The following LSM7 variants were observed in gnomAD, a reference collection of about 807,000 sequenced individuals.
LSM7 encodes LSM7 homolog, U6 small nuclear RNA and mRNA degradation associated, also known as U6 snRNA-associated Sm-like protein LSm7.
A neutral mutation model predicts 14.1 loss-of-function variants in LSM7; 13 were observed. The observed-to-expected ratio is 0.92, with a 90% confidence interval of 0.60 to 1.47. The LOEUF (loss-of-function observed/expected upper bound fraction) is 1.47, where lower values mean the gene tolerates loss of function less well. LSM7 is among the 40% of genes most tolerant of loss of function. The pLI is 0.00. For synonymous variants in LSM7, 70 were observed against 57.1 expected (o/e 1.23, Z -1.02); for missense variants, 108 against 140.8 (o/e 0.77, Z 1.18).
chr19:2,328,546 C>A lies in LSM7; in HGVS notation c.6+15G>T. On this transcript the variant is annotated intron_variant, in intron 1 of 3. Transcript: ENST00000252622. ...GCTCCACGCCCCCCGGCTCCAGATT[C>A]CGCCGCGCGCTCACCGCCATCTTGT... The A allele has an allele frequency of 1.3e-6, 2 of 1,598,726 alleles. No homozygotes were observed. Among genetic ancestry groups the A allele is most frequent in the South Asian group, 1.1e-5 (1 of 89,564 alleles).
chr19:2,324,252 C>T (rs1179125683), intron 2 of LSM7, 56 bp from the exon 3 acceptor site: 1 of 1,382,552 alleles, frequency 7.2e-7, no homozygotes, highest in Non-Finnish European at 1.0e-6. Context: ...GTCCTGGGCG[C>T]AGGGCCCGCC....
In LSM7 at chr19:2,321,759, C is replaced by G. The variant is rs372453665; in HGVS notation, c.233G>C (p.Gly78Ala). 6 of 1,560,532 alleles carry G rather than the reference C, an allele frequency of 3.8e-6. No homozygotes were observed. Among genetic ancestry groups the G allele is most frequent in the Non-Finnish European group, 5.2e-6 (6 of 1,153,470 alleles). ...CGGGCAGATTAGCACCACGGACGTG[C>G]CCCGGCACACCACGAGGCCCAGCTG... Reference protein sequence around the residue: ...TRQLGLVVCRGTSVVLICPQD... With the variant: ...TRQLGLVVCRATSVVLICPQD... The change falls in exon 4 of 4, where the codon GGC (glycine) becomes GCC (alanine). Residue 78 changes from glycine to alanine, a missense_variant. By Grantham distance (60) the Gly-to-Ala change is moderately conservative. Coordinates refer to ENST00000252622, the MANE Select transcript of LSM7 (RefSeq NM_016199.3). The surrounding 1 kb of genome is among the most constrained non-coding windows in gnomAD (Gnocchi z 5.0).
At position 2,328,579 on chromosome 19, in the gene LSM7, T is replaced by G; in HGVS notation, c.-13A>C. On this transcript the variant is annotated 5_prime_UTR_variant, in exon 1 of 4. Coordinates refer to ENST00000252622, the MANE Select transcript of LSM7 (RefSeq NM_016199.3). ...CGCTCACCGCCATCTTGTCGCGCCG[T>G]GTGGCTCTTCGCAGGCACCGCCCCG... The G allele has an allele frequency of 6.3e-7, 1 of 1,576,240 alleles. No homozygotes were observed. The highest frequency in any genetic ancestry group is 8.6e-7 in the Non-Finnish European group (1 of 1,163,556).
At chr19:2,322,261 CG>C (rs1328925383) in intron 3 of LSM7, among the ~76,000 whole-genome samples, 1 of 152,186 alleles carries the variant, frequency 6.6e-6, no homozygotes, top group African/African-American at 2.4e-5. Flanking sequence ...GGCTGGGGGC[CG>C]GGCGCGGTGG....
intron 2 of LSM7, among the ~76,000 whole-genome samples, chr19:2,325,464 C>T (rs551548497): frequency 9.8e-5 from 15 of 152,310 alleles, no homozygotes; most frequent in African/African-American, 3.4e-4. Context: ...ACCCACAGCC[C>T]TTACGGTGCT....
chr19:2,322,265 C>T (rs913319874), intron 3 of LSM7, among the ~76,000 whole-genome samples: 24 of 152,316 alleles, frequency 1.6e-4, no homozygotes, highest in Non-Finnish European at 2.6e-4. Context: ...GGGGGCCGGG[C>T]GCGGTGGCTC....
At chr19:2,323,995 T>G in intron 3 of LSM7, 130 bp downstream of exon 3, 1 of 805,336 alleles carries the variant, frequency 1.2e-6, no homozygotes, top group Non-Finnish European at 2.0e-6. Flanking sequence ...TTTGTGGGTT[T>G]GAGAGAAGAA....
chr19:2,328,315 C>T, intron 2 of LSM7, 72 bp downstream of exon 2: 2 of 1,273,496 alleles, frequency 1.6e-6, no homozygotes, highest in South Asian at 1.3e-5. Context: ...CCGCATGCGT[C>T]CTCATCATCT....
chr19:2,327,074 C>T (rs1297450988), intron 2 of LSM7, among the ~76,000 whole-genome samples: 1 of 152,172 alleles, frequency 6.6e-6, no homozygotes, highest in Non-Finnish European at 1.5e-5. Flanking sequence ...CTGTGGTACC[C>T]TGGCTCCTGA....
In LSM7 at chr19:2,324,127, C is replaced by G; in HGVS notation, c.167G>C (p.Arg56Pro). 1 of 1,565,558 alleles carries G rather than the reference C, an allele frequency of 6.4e-7. No homozygotes were observed. Among genetic ancestry groups the G allele is most frequent in the South Asian group, 1.2e-5 (1 of 85,098 alleles). The change falls in exon 3 of 4, where the codon CGA becomes CCA. Residue 56 changes from arginine (R) to proline (P), a missense_variant and splice_region_variant. Physicochemically the swap from Arg to Pro is moderately radical, Grantham distance 103 (BLOSUM62 -2). Transcript: ENST00000252622. The stretch of plus-strand genomic sequence containing the variant: ...GCCTCGGCCGCCACCCCACTCACCT[C>G]GCATGTACTCAATGGTGCCGTCCAG... Reference protein sequence around the residue: ...LVLDGTIEYMRDPDDQYKLTE... With the variant: ...LVLDGTIEYMPDPDDQYKLTE...
At chr19:2,322,896 T>C (rs1347993095) in intron 3 of LSM7, among the ~76,000 whole-genome samples, 3 of 151,816 alleles carry the variant, frequency 2.0e-5, no homozygotes, top group African/African-American at 7.3e-5. Flanking sequence ...TTTTTTTTTT[T>C]TTGTAGAGAC....
At chr19:2,324,087 CT>C (rs1172720508) in intron 3 of LSM7, 37 bp downstream of exon 3, 1 of 1,501,374 alleles carries the variant, frequency 6.7e-7, no homozygotes, top group Non-Finnish European at 9.0e-7. Flanking sequence ...CACTATCCCC[CT>C]CGTCCCGCTG....
rs1967936502 is a variant in LSM7 at position 2,321,733 on chromosome 19, G to C, written c.259C>G (p.Gln87Glu). 6.4e-7 allele frequency: 1 copy of C among 1,570,430 alleles called. No individual in the cohort carries two copies. The highest frequency in any genetic ancestry group is 8.6e-7 in the Non-Finnish European group (1 of 1,159,788). Reference sequence around the variant, plus strand: ...TTGGGGATGGCCTCCATGCCGTCCTGCGGGCAGATTAGCACCACGGACGTG... The same window carrying C: ...TTGGGGATGGCCTCCATGCCGTCCTCCGGGCAGATTAGCACCACGGACGTG... ...RGTSVVLICP[Q>E]DGMEAIPNPF... Residue 87 changes from glutamine (Q) to glutamate (E), a missense_variant, in exon 4 of 4, where the codon CAG (glutamine) becomes GAG (glutamate). By Grantham distance (29) the Gln-to-Glu change is conservative. Coordinates refer to ENST00000252622, the MANE Select transcript of LSM7 (RefSeq NM_016199.3). The surrounding 1 kb of genome is among the most constrained non-coding windows in gnomAD (Gnocchi z 5.0).
chr19:2,326,044 C>T (rs1968009750), intron 2 of LSM7: 1 of 152,306 alleles, frequency 6.6e-6, no homozygotes, highest in Admixed American at 6.5e-5. Context: ...TGAGCCCGCC[C>T]TCCTCACGGG....
rs367972106 is a variant in LSM7 at position 2,328,497 on chromosome 19, C to A, written c.7-20G>T. Reference sequence around the variant, plus strand: ...CTTATCCTGCGGGGAAAGCAGAGCGCATGAGACCTGGAGCGCGGCCCGAGC... The same window carrying A: ...CTTATCCTGCGGGGAAAGCAGAGCGAATGAGACCTGGAGCGCGGCCCGAGC... On this transcript the variant is annotated intron_variant, in intron 1 of 3. Transcript: ENST00000252622. 6 of 1,613,170 alleles carry A rather than the reference C, an allele frequency of 3.7e-6. No homozygotes were observed. The highest frequency in any genetic ancestry group is 4.2e-6 in the Non-Finnish European group (5 of 1,179,706).
intron 3 of LSM7, among the ~76,000 whole-genome samples, chr19:2,322,830 C>T (rs1411346265): frequency 6.6e-6 from 1 of 152,122 alleles, no homozygotes; most frequent in Non-Finnish European, 1.5e-5. Flanking sequence ...CCTGCCTTAG[C>T]CTCCTGAGTA....
intron 3 of LSM7, among the ~76,000 whole-genome samples, chr19:2,322,425 C>T (rs1345728575): frequency 1.3e-5 from 2 of 152,176 alleles, no homozygotes; most frequent in African/African-American, 4.8e-5. Context: ...CTTGGAGTCC[C>T]AGCTACTCGG....
chr19:2,323,456 A>G (rs765020156), intron 3 of LSM7, among the ~76,000 whole-genome samples: 1 of 152,038 alleles, frequency 6.6e-6, no homozygotes, highest in South Asian at 2.1e-4. Flanking sequence ...ACCTCAGCTT[A>G]TCTCTTTTTT....
At chr19:2,322,110 C>T (rs1307633621) in intron 3 of LSM7, among the ~76,000 whole-genome samples, 1 of 152,218 alleles carries the variant, frequency 6.6e-6, no homozygotes, top group African/African-American at 2.4e-5. Context: ...TACCCCGCGT[C>T]TCAGAGCTCA....
Sources: allele counts gnomAD v4.1 joint callset (sites outside exome capture counted in the v4.1 genomes callset), GRCh38; gene constraint gnomAD v4.1.1; non-coding constraint Gnocchi (gnomAD v3.1); transcripts MANE v1.5; gene names NCBI Gene and HGNC (gene_info 2026-07-23, HGNC 2026-07-21).